Variants in ZFX observed in about 807,000 individuals in gnomAD.
The protein encoded by ZFX is zinc finger X-chromosomal protein.
For missense variants in ZFX, 362 were observed against 628.3 expected, an observed-to-expected ratio of 0.58 and a Z score of 4.53; for synonymous variants, 196 against 226.8, an observed-to-expected ratio of 0.86 and a Z score of 1.22.
rs191104308 is a variant in ZFX at position 24,153,479 on chromosome X, T to G, written c.-29+649T>G. ...TCTGTGCGTGATGCCGTCTCTTGCA[T>G]CATTAACCTCTCTTTACAAATATTC... On this transcript the variant is annotated intron_variant, in intron 3 of 9. Transcript: ENST00000304543. Among the ~76,000 whole-genome samples, 73 of 111,720 alleles carry G rather than the reference T, an allele frequency of 6.5e-4. 1 individual carries two copies. The highest frequency in any genetic ancestry group is 2.1e-3 in the African/African-American group (66 of 30,778).
chrX:24,172,579 TTTAGA>T, intron 3 of ZFX, 131 bp from the exon 4 acceptor site: 1 of 417,403 alleles, frequency 2.4e-6, no homozygotes, highest in Non-Finnish European at 3.9e-6. Context: ...TCTATTTTAC[TTTAGA>T]TAAGTAAGTT....
At chrX:24,155,586 C>T (rs756240320) in intron 3 of ZFX, among the ~76,000 whole-genome samples, 1 of 112,204 alleles carries the variant, frequency 8.9e-6, no homozygotes, top group Non-Finnish European at 1.9e-5. Context: ...GAAGTCTGTG[C>T]ATTATCAACT....
chrX:24,176,349 A>G (rs1389185688), intron 4 of ZFX, among the ~76,000 whole-genome samples: 4 of 108,021 alleles, frequency 3.7e-5, no homozygotes, highest in Non-Finnish European at 7.7e-5. Flanking sequence ...TAAAGTGAAC[A>G]TATTCTTTTT....
intron 5 of ZFX, among the ~76,000 whole-genome samples, chrX:24,198,811 G>T (rs1937098781): frequency 9.0e-6 from 1 of 111,332 alleles, no homozygotes; most frequent in Non-Finnish European, 1.9e-5. Flanking sequence ...GGTAACATTT[G>T]AGCAGAGACT....
At chrX:24,163,364 GTTTTTTTTTTT>G (rs66467960) in intron 3 of ZFX, among the ~76,000 whole-genome samples, 8 of 19,061 alleles carry the variant, frequency 4.2e-4, no homozygotes, top group South Asian at 8.2e-3. Flanking sequence ...TTTTTGTTAG[GTTTTTTTTTTT>G]TTTTTTTTTT....
In ZFX at chrX:24,211,036, G is replaced by T; in HGVS notation, c.2078G>T (p.Arg693Ile). The change falls in exon 10 of 10, where the codon AGA becomes ATA. Residue 693 changes from arginine to isoleucine, a missense_variant. By Grantham distance (97) the Arg-to-Ile change is moderately conservative. Transcript: ENST00000304543. Reference sequence around the variant, plus strand: ...AAGGGCAAAAAAATGCACCAGTGTAGACATTGTGACTTTAAGATTGCAGAT... The same window carrying T: ...AAGGGCAAAAAAATGCACCAGTGTATACATTGTGACTTTAAGATTGCAGAT... ...AHKGKKMHQC[R>I]HCDFKIADPF... 1 of 1,212,209 alleles carries T rather than the reference G, an allele frequency of 8.2e-7. No individual in the cohort carries two copies. The highest frequency in any genetic ancestry group is 1.1e-6 in the Non-Finnish European group (1 of 895,643).
At chrX:24,183,705 A>T (rs936680242) in intron 5 of ZFX, among the ~76,000 whole-genome samples, 2 of 110,188 alleles carry the variant, frequency 1.8e-5, no homozygotes, top group African/African-American at 6.6e-5. Context: ...GGCTATGTGT[A>T]TAAGGTGTAT....
At chrX:24,165,182 A>G (rs914525138) in intron 3 of ZFX, among the ~76,000 whole-genome samples, 3 of 112,180 alleles carry the variant, frequency 2.7e-5, no homozygotes, top group Non-Finnish European at 5.6e-5. Flanking sequence ...GTGCAGTGGC[A>G]TGAATTTGGC....
At chrX:24,208,509 GA>G in intron 8 of ZFX, 139 bp downstream of exon 8, 1 of 814,944 alleles carries the variant, frequency 1.2e-6, no homozygotes, top group Middle Eastern at 4.0e-4. Context: ...AATTGAATTA[GA>G]GTATAAAGTC....
At chrX:24,179,848 T>G in intron 5 of ZFX, 78 bp downstream of exon 5, 2 of 932,144 alleles carry the variant, frequency 2.1e-6, no homozygotes, top group Non-Finnish European at 3.0e-6. Flanking sequence ...GGTGAAATTT[T>G]CTTGACTTAA....
chrX:24,187,129 A>G (rs761388907), intron 5 of ZFX, among the ~76,000 whole-genome samples: 22 of 111,784 alleles, frequency 2.0e-4, no homozygotes, highest in Non-Finnish European at 3.9e-4. Context: ...TTGCCCAGGC[A>G]TACATACATA....
rs1009568347 is a variant in ZFX, at chrX:24,182,518, C to CT, written c.646+2754dup. 2.7e-5 allele frequency among the ~76,000 whole-genome samples: 3 copies of CT among 111,458 alleles called. No individual in the cohort carries two copies. The Admixed American group carries it at 2.9e-4, about 11-fold the overall frequency. ...TATCAGCCACTGAGGAGAAAGCAGG[C>CT]TTTTTTGTTTGGCATTTAGGAGGTC... is the stretch of plus-strand genomic sequence containing the variant. On this transcript the variant is annotated intron_variant, in intron 5 of 9. Transcript: ENST00000304543.
chrX:24,187,275 A>G (rs997286310), intron 5 of ZFX, among the ~76,000 whole-genome samples: 2 of 111,069 alleles, frequency 1.8e-5, no homozygotes, highest in African/African-American at 6.6e-5. Flanking sequence ...TTTTATTCCA[A>G]AGTGTCCACT....
chrX:24,158,409 T>C (rs1932922190), intron 3 of ZFX, among the ~76,000 whole-genome samples: 1 of 111,542 alleles, frequency 9.0e-6, no homozygotes. Flanking sequence ...GTATATAGTT[T>C]TCATGTCTGT....
At chrX:24,163,304 TACTTG>T (rs1933584491) in intron 3 of ZFX, among the ~76,000 whole-genome samples, 1 of 96,092 alleles carries the variant, frequency 1.0e-5, no homozygotes, top group Non-Finnish European at 2.1e-5. Flanking sequence ...TATTTGCGGA[TACTTG>T]ACTTGGGATT....
chrX:24,183,546 A>G (rs1935852125), intron 5 of ZFX, among the ~76,000 whole-genome samples: 1 of 111,122 alleles, frequency 9.0e-6, no homozygotes, highest in Admixed American at 9.7e-5. Flanking sequence ...AATATCTGAA[A>G]TGCTCCAGAA....
At chrX:24,164,349 A>T (rs1277227264) in intron 3 of ZFX, among the ~76,000 whole-genome samples, 1 of 111,857 alleles carries the variant, frequency 8.9e-6, no homozygotes, top group Non-Finnish European at 1.9e-5. Flanking sequence ...TCAATGTAAA[A>T]ATACCCCACA....
At chrX:24,181,715 T>A (rs1935704201) in intron 5 of ZFX, among the ~76,000 whole-genome samples, 1 of 111,804 alleles carries the variant, frequency 8.9e-6, no homozygotes, top group African/African-American at 3.2e-5. Context: ...CTTGGTATTT[T>A]GCCTTAATAT....
intron 3 of ZFX, among the ~76,000 whole-genome samples, chrX:24,164,668 A>G (rs1267753903): frequency 9.0e-6 from 1 of 111,418 alleles, no homozygotes; most frequent in African/African-American, 3.3e-5. Context: ...ACGGTGCCTC[A>G]CACCTGTAAT....
Sources: allele counts gnomAD v4.1 joint callset (sites outside exome capture counted in the v4.1 genomes callset), GRCh38; gene constraint gnomAD v4.1.1; transcripts MANE v1.5; gene names NCBI Gene and HGNC (gene_info 2026-07-23, HGNC 2026-07-21).